SMG1: variants seen among roughly 807,000 people sequenced by gnomAD.
The protein encoded by SMG1 is SMG1 nonsense mediated mRNA decay associated PI3K related kinase.
SMG1 carries 22 observed loss-of-function variants against 419.9 expected under a neutral mutation model. That is an observed-to-expected ratio of 0.05 (90% confidence interval 0.04 to 0.07). The LOEUF is 0.07. Ranked by LOEUF, SMG1 falls within the 10% of genes least tolerant of loss-of-function variation. SMG1 has a pLI of 1.00. For missense variants in SMG1, 3,185 were observed against 4,342.0 expected (o/e 0.73, Z 7.49); for synonymous variants, 1,538 against 1,553.5 (o/e 0.99, Z 0.23).
chr16:18,854,156 G>GGCTCACT (rs1454265140), intron 30 of SMG1, among the ~76,000 whole-genome samples: 2 of 142,516 alleles, frequency 1.4e-5, no homozygotes, highest in Non-Finnish European at 3.0e-5. Flanking sequence ...GCACAATCAG[G>GGCTCACT]GCTCACTGTA....
intron 29 of SMG1, 62 bp from the exon 30 acceptor site, chr16:18,854,966 T>C (rs2034816429): frequency 2.6e-6 from 4 of 1,518,660 alleles, no homozygotes; most frequent in Admixed American, 4.1e-5. Flanking sequence ...CATGGAAACA[T>C]GGCCAAAAAA....
intron 57 of SMG1, among the ~76,000 whole-genome samples, 173 bp downstream of exon 57, chr16:18,817,118 C>CGGG (rs11332992): frequency 2.3e-5 from 2 of 87,606 alleles, no homozygotes; most frequent in African/African-American, 6.1e-5. Flanking sequence ...TGTTTCGGGG[C>CGGG]GGGGGGGGGG....
chr16:18,832,126 G>A lies in SMG1; in HGVS notation c.8792+814C>T, dbSNP rs1039719733. 2.6e-5 allele frequency among the ~76,000 whole-genome samples: 4 copies of A among 152,130 alleles called. No individual in the cohort carries two copies. The East Asian group carries it at 5.8e-4, about 22-fold the overall frequency. On this transcript the variant is annotated intron_variant, in intron 51 of 62. Transcript: ENST00000446231. Reference sequence around the variant, plus strand: ...ATTAGACTATTCTCTCTACAGTCTTGTATCTTTGAAATTTCCCATGGGAGG... The same window carrying A: ...ATTAGACTATTCTCTCTACAGTCTTATATCTTTGAAATTTCCCATGGGAGG...
intron 1 of SMG1, among the ~76,000 whole-genome samples, chr16:18,898,587 G>T (rs972166827): frequency 1.3e-5 from 2 of 152,170 alleles, no homozygotes; most frequent in African/African-American, 2.4e-5. Context: ...TCTGAAAGGA[G>T]ATTGAAACAT....
chr16:18,919,864 A>C (rs754069361), intron 1 of SMG1, among the ~76,000 whole-genome samples: 13 of 152,002 alleles, frequency 8.6e-5, no homozygotes, highest in Non-Finnish European at 1.6e-4. Context: ...CACTCTGAGA[A>C]GCCGAGGTGG....
At chr16:18,891,449 T>C (rs1047556762) in intron 4 of SMG1, among the ~76,000 whole-genome samples, 7 of 152,088 alleles carry the variant, frequency 4.6e-5, no homozygotes, top group African/African-American at 1.7e-4. Context: ...TTTTTTTTTT[T>C]TTCAAGATGG....
At chr16:18,912,277 A>G (rs1394076301) in intron 1 of SMG1, among the ~76,000 whole-genome samples, 5 of 151,880 alleles carry the variant, frequency 3.3e-5, no homozygotes, top group Non-Finnish European at 5.9e-5. Flanking sequence ...GCTATAGTAA[A>G]TAATGATGTA....
intron 55 of SMG1, among the ~76,000 whole-genome samples, chr16:18,827,544 A>AT (rs978064559): frequency 6.9e-6 from 1 of 145,150 alleles, no homozygotes; most frequent in African/African-American, 2.5e-5. Context: ...ACCAAAATAT[A>AT]TTTTTTTATA....
At chr16:18,921,405 T>C (rs2038196134) in intron 1 of SMG1, among the ~76,000 whole-genome samples, 1 of 152,164 alleles carries the variant, frequency 6.6e-6, no homozygotes, top group Non-Finnish European at 1.5e-5. Context: ...TAGTTTTATT[T>C]TTCATTTTTA....
Position 18,896,937 on chromosome 16 carries a change from C to G in SMG1, c.112G>C (p.Asp38His), listed in dbSNP as rs569988177. The change falls in exon 2 of 63, where the codon GAC (aspartate) becomes CAC (histidine). Residue 38 changes from aspartate (D) to histidine (H), a missense_variant. Coordinates refer to ENST00000446231, the MANE Select transcript of SMG1 (RefSeq NM_015092.5). ...WQPRTDSASA[D>H]PDNLKYSSSR... is the part of the protein sequence containing the mutation. Reference sequence around the variant, plus strand: ...GAAGAATATTTTAAATTATCTGGGTCGGCTGATGCACTATCAGTTCTATAA... The same window carrying G: ...GAAGAATATTTTAAATTATCTGGGTGGGCTGATGCACTATCAGTTCTATAA... The G allele has an allele frequency of 6.4e-7, 1 of 1,573,006 alleles. No individual in the cohort carries two copies. Among genetic ancestry groups the G allele is most frequent in the Non-Finnish European group, 8.6e-7 (1 of 1,157,162 alleles).
intron 4 of SMG1, among the ~76,000 whole-genome samples, chr16:18,891,335 T>A (rs958178737): frequency 6.6e-5 from 10 of 152,198 alleles, no homozygotes; most frequent in Non-Finnish European, 7.3e-5. Flanking sequence ...ATTTGAACCT[T>A]CTCATAATAA....
At position 18,807,949 on chromosome 16, in the gene SMG1, GA is replaced by G. The variant is rs2031000734; in HGVS notation, c.*1619del. 6.6e-6 allele frequency: 1 copy of G among 152,284 alleles called. No homozygotes were observed. Among genetic ancestry groups the G allele is most frequent in the Non-Finnish European group, 1.5e-5 (1 of 68,162 alleles). The allele number at this position is 152,284 out of a possible 1,614,324, so 9.4% of individuals were successfully genotyped here. A position where few individuals can be genotyped will look rare whatever the true frequency, so the allele number is the denominator to read the frequency against. On this transcript the variant is annotated 3_prime_UTR_variant, in exon 63 of 63. Coordinates refer to ENST00000446231, the MANE Select transcript of SMG1 (RefSeq NM_015092.5). ...TAATTTTTTTTGTATTTTTAGTAAA[GA>G]CGGGGTTTCACCGTGTTAGCCAGGA...
rs771016087 is a variant in SMG1, at chr16:18,835,970, T to TACA, written c.8017_8019dup (p.Cys2673dup). 107 of 1,553,626 alleles carry TACA rather than the reference T, an allele frequency of 6.9e-5. No homozygotes were observed. In the African/African-American group the frequency reaches 1.3e-3, roughly 19 times the overall value. ...TCTTGACAACGCTCTACTGTGGTGT[T>TACA]ACAGATGAGCTCTTCCATCCAGGTC... On this transcript the variant is annotated inframe_insertion, in exon 48 of 63. Transcript: ENST00000446231.
At chr16:18,871,585 ACATCT>A (rs2035825802) in intron 15 of SMG1, 103 bp from the exon 16 acceptor site, 2 of 471,150 alleles carry the variant, frequency 4.2e-6, no homozygotes, top group South Asian at 1.1e-4. Context: ...GGTTTTTCAA[ACATCT>A]CAAACAATAA....
intron 1 of SMG1, among the ~76,000 whole-genome samples, chr16:18,908,891 AAAG>A (rs910638044): frequency 6.6e-6 from 1 of 152,132 alleles, no homozygotes; most frequent in Non-Finnish European, 1.5e-5. Flanking sequence ...AAAAAAAAAA[AAAG>A]AAATGTATGC....
In SMG1 at chr16:18,872,244, G is replaced by A; in HGVS notation, c.2123C>T (p.Ser708Leu). The change falls in exon 15 of 63, where the codon TCA becomes TTA. Residue 708 changes from serine to leucine, a missense_variant. Around this residue, in one of 27 missense-constraint regions of SMG1, gnomAD observed 297 missense variants for 491.0 expected, o/e 0.60. Coordinates refer to ENST00000446231, the MANE Select transcript of SMG1 (RefSeq NM_015092.5). ...TVTTATKKHF[S>L]IILNLLGILL... is the part of the protein sequence containing the mutation. Reference sequence around the variant, plus strand: ...TATTCCCAGAAGATTTAATATAATTGAGAAATGTTTCTTTGTAGCCGTAGT... The same window carrying A: ...TATTCCCAGAAGATTTAATATAATTAAGAAATGTTTCTTTGTAGCCGTAGT... 6.3e-7 allele frequency: 1 copy of A among 1,588,838 alleles called. No homozygotes were observed. The highest frequency in any genetic ancestry group is 1.3e-5 in the African/African-American group (1 of 74,336).
At chr16:18,834,073 T>C (rs948179462) in intron 50 of SMG1, 131 bp downstream of exon 50, 6 of 688,966 alleles carry the variant, frequency 8.7e-6, no homozygotes, top group South Asian at 2.0e-5. Context: ...ATCTCACAAT[T>C]ATCTTCCTTT....
At chr16:18,816,960 C>T (rs552269473) in intron 57 of SMG1, among the ~76,000 whole-genome samples, 92 of 152,254 alleles carry the variant, frequency 6.0e-4, no homozygotes, top group Non-Finnish European at 1.0e-3. Context: ...CTTCCATAAG[C>T]CCTCTTTCTC....
At position 18,813,210 on chromosome 16, in the gene SMG1, G is replaced by A. The variant is rs561679184; in HGVS notation, c.10622-1083C>T. Among the ~76,000 whole-genome samples the A allele has an allele frequency of 5.1e-3, 771 of 152,240 alleles. 6 individuals carry two copies. Among genetic ancestry groups the A allele is most frequent in the Middle Eastern group, 0.027 (8 of 294 alleles). Reference sequence around the variant, plus strand: ...AGTAATGGGATGGCTGGGTCAAATGGTATTTCTAGTTCTAGATCCCTGAGG... The same window carrying A: ...AGTAATGGGATGGCTGGGTCAAATGATATTTCTAGTTCTAGATCCCTGAGG... On this transcript the variant is annotated intron_variant, in intron 60 of 62. Transcript: ENST00000446231.
Sources: allele counts gnomAD v4.1 joint callset (sites outside exome capture counted in the v4.1 genomes callset), GRCh38; gene constraint gnomAD v4.1.1; regional missense constraint gnomAD v4.1.1; transcripts MANE v1.5; gene names NCBI Gene and HGNC (gene_info 2026-07-23, HGNC 2026-07-21).